The following PPM1L variants were observed in gnomAD, a reference collection of about 807,000 sequenced individuals.
The protein encoded by PPM1L is protein phosphatase 1L.
Under a neutral mutation model 31.4 loss-of-function variants are expected in PPM1L, and 13 were observed. The observed-to-expected ratio is 0.41, with a 90% CI of 0.27 to 0.66. PPM1L has a LOEUF of 0.66. PPM1L is among the 30% of genes least tolerant of loss of function. The probability of loss-of-function intolerance (pLI) is 0.29; values close to 1 mark genes in which losing one functional copy is unlikely to be tolerated. For missense variants in PPM1L, 326 were observed against 453.7 expected (o/e 0.72, Z 2.56); for synonymous variants, 184 against 175.4 (o/e 1.05, Z -0.39).
intron 2 of PPM1L, among the ~76,000 whole-genome samples, chr3:160,979,720 G>C (rs145982164): frequency 0.01 from 1,557 of 151,998 alleles, 30 homozygotes; most frequent in African/African-American, 0.036. Context: ...TTTTAACTTT[G>C]TCCATGTATT....
chr3:161,015,950 A>G (rs1419206006), intron 2 of PPM1L, among the ~76,000 whole-genome samples: 3 of 152,170 alleles, frequency 2.0e-5, no homozygotes, highest in African/African-American at 7.2e-5. Flanking sequence ...GAGTGCCCAC[A>G]GTTCCCAGCC....
chr3:160,989,408 A>ATTT (rs200392486), intron 2 of PPM1L, among the ~76,000 whole-genome samples: 1 of 145,544 alleles, frequency 6.9e-6, no homozygotes, highest in Admixed American at 6.9e-5. Context: ...ATTTAAAACA[A>ATTT]TTTTTTTTTT....
intron 2 of PPM1L, among the ~76,000 whole-genome samples, chr3:161,049,248 A>T (rs1473550122): frequency 6.6e-6 from 1 of 151,852 alleles, no homozygotes; most frequent in Admixed American, 6.6e-5. Context: ...ACTGCGCTCT[A>T]GCCTGGGCAG....
chr3:160,789,813 C>A (rs949374529), intron 1 of PPM1L, among the ~76,000 whole-genome samples: 2 of 151,874 alleles, frequency 1.3e-5, no homozygotes, highest in Non-Finnish European at 2.9e-5. Context: ...CTCACATGAT[C>A]ATGTGTGTAT....
chr3:161,035,303 G>A (rs1282778141), intron 2 of PPM1L, among the ~76,000 whole-genome samples: 1 of 152,086 alleles, frequency 6.6e-6, no homozygotes, highest in Non-Finnish European at 1.5e-5. Flanking sequence ...GAAAGAAGTG[G>A]TGAGCAATGC....
intron 2 of PPM1L, among the ~76,000 whole-genome samples, chr3:161,038,233 CAA>C (rs71628440): frequency 5.6e-5 from 5 of 88,978 alleles, no homozygotes; most frequent in African/African-American, 4.2e-5. Flanking sequence ...GACTCCGTCT[CAA>C]AAAAAAAAAA....
At chr3:160,776,909 T>C (rs551440252) in intron 1 of PPM1L, among the ~76,000 whole-genome samples, 4 of 152,074 alleles carry the variant, frequency 2.6e-5, no homozygotes, top group Non-Finnish European at 4.4e-5. Flanking sequence ...CTTGGTGGCT[T>C]TTATAGAATG....
chr3:161,043,752 G>A (rs568976408), intron 2 of PPM1L, among the ~76,000 whole-genome samples: 2 of 152,286 alleles, frequency 1.3e-5, no homozygotes, highest in Admixed American at 6.5e-5. Flanking sequence ...AGACTCTCCA[G>A]TTCTCTCTCT....
intron 1 of PPM1L, among the ~76,000 whole-genome samples, chr3:160,804,212 G>A (rs1267377751): frequency 6.6e-6 from 1 of 151,986 alleles, no homozygotes; most frequent in East Asian, 1.9e-4. Context: ...GATTACAGGC[G>A]TGAGCCACCA....
chr3:160,794,460 C>T (rs1052789845), intron 1 of PPM1L, among the ~76,000 whole-genome samples: 12 of 152,026 alleles, frequency 7.9e-5, no homozygotes, highest in Admixed American at 2.0e-4. Flanking sequence ...GAATATTCAC[C>T]GAAAAGCATT....
chr3:160,857,250 C>T (rs932047624), intron 1 of PPM1L, among the ~76,000 whole-genome samples: 26 of 152,134 alleles, frequency 1.7e-4, no homozygotes, highest in East Asian at 5.8e-4. Flanking sequence ...CAAATTATAC[C>T]ATCATAACTC....
chr3:161,023,517 G>T (rs1277140029), intron 2 of PPM1L, among the ~76,000 whole-genome samples: 1 of 152,090 alleles, frequency 6.6e-6, no homozygotes, highest in Non-Finnish European at 1.5e-5. Flanking sequence ...CATATCGGCT[G>T]TAAAATCCTT....
intron 1 of PPM1L, among the ~76,000 whole-genome samples, chr3:160,813,152 C>T (rs1235579804): frequency 1.3e-5 from 2 of 152,088 alleles, no homozygotes; most frequent in Non-Finnish European, 2.9e-5. Flanking sequence ...GTTAAGATGG[C>T]AAATTTTATG....
In PPM1L at chr3:161,077,638, T is replaced by C. The variant is rs1234313497; in HGVS notation, c.*8481T>C. 6.6e-6 allele frequency: 1 copy of C among 152,208 alleles called. No individual in the cohort carries two copies. Among genetic ancestry groups the C allele is most frequent in the Non-Finnish European group, 1.5e-5 (1 of 68,044 alleles). The allele number at this position is 152,208 out of a possible 1,614,324, so 9.4% of individuals were successfully genotyped here. On this transcript the variant is annotated 3_prime_UTR_variant, in exon 4 of 4. Transcript: ENST00000498165. ...TCCTGAGTGTAAATCAGTGAATCTG[T>C]TATATAGAAAGTTAACATTTCAGGA...
chr3:160,821,209 G>T (rs556840953), intron 1 of PPM1L, among the ~76,000 whole-genome samples: 7 of 151,858 alleles, frequency 4.6e-5, no homozygotes, highest in Admixed American at 2.6e-4. Context: ...TTTTGGTGCT[G>T]GGAACTGGAA....
chr3:161,035,545 A>T (rs1718720340), intron 2 of PPM1L, among the ~76,000 whole-genome samples: 1 of 152,242 alleles, frequency 6.6e-6, no homozygotes. Context: ...ATAGTTCCTG[A>T]AAGAATGACT....
At chr3:160,771,612 G>A (rs1715259663) in intron 1 of PPM1L, among the ~76,000 whole-genome samples, 1 of 146,874 alleles carries the variant, frequency 6.8e-6, no homozygotes, top group Non-Finnish European at 1.5e-5. Context: ...ATCAGTTGGA[G>A]GAAATTTAGT....
intron 2 of PPM1L, among the ~76,000 whole-genome samples, chr3:160,962,284 G>A (rs1333994870): frequency 6.6e-6 from 1 of 151,306 alleles, no homozygotes; most frequent in African/African-American, 2.4e-5. Context: ...TTCTAAAGAG[G>A]TATTTTTTTT....
At chr3:160,873,086 G>A (rs1441604281) in intron 1 of PPM1L, among the ~76,000 whole-genome samples, 1 of 152,150 alleles carries the variant, frequency 6.6e-6, no homozygotes, top group East Asian at 1.9e-4. Flanking sequence ...AAAAGTCACT[G>A]TGCAAAATTT....
Sources: allele counts gnomAD v4.1 joint callset (sites outside exome capture counted in the v4.1 genomes callset), GRCh38; gene constraint gnomAD v4.1.1; transcripts MANE v1.5; gene names NCBI Gene and HGNC (gene_info 2026-07-23, HGNC 2026-07-21).